The following DACH2 variants were observed in gnomAD, a reference collection of about 807,000 sequenced individuals.
DACH2 encodes dachshund family transcription factor 2.
In DACH2, 17 loss-of-function variants were observed where a neutral mutation model predicts 35.8. The observed-to-expected ratio is 0.48, with a 90% CI of 0.33 to 0.71. DACH2 has a LOEUF of 0.71. Among genes scored for constraint, DACH2 ranks in the 30% least tolerant of loss-of-function variants. The probability of loss-of-function intolerance (pLI) is 0.02; values close to 1 mark genes in which losing one functional copy is unlikely to be tolerated. For synonymous variants in DACH2, 195 were observed against 177.3 expected (o/e 1.10, Z -0.79); for missense variants, 469 against 472.7 (o/e 0.99, Z 0.07).
rs201132853 is a variant in DACH2, at chrX:86,605,088, GT to G, written c.641-45946del. 5.6e-3 allele frequency among the ~76,000 whole-genome samples: 629 copies of G among 112,021 alleles called. 3 individuals are homozygous for G. Among genetic ancestry groups the G allele is most frequent in the African/African-American group, 0.02 (609 of 30,955 alleles). On this transcript the variant is annotated intron_variant, in intron 3 of 11. Transcript: ENST00000373125. The stretch of plus-strand genomic sequence containing the variant: ...ATGCAATGATTCTAGTGAGTCCTGT[GT>G]TAGACTGCTGGCCTACAGAAACTGT...
intron 2 of DACH2, among the ~76,000 whole-genome samples, chrX:86,441,154 T>C (rs2037154272): frequency 9.0e-6 from 1 of 111,374 alleles, no homozygotes; most frequent in Non-Finnish European, 1.9e-5. Flanking sequence ...CACATCAGGG[T>C]AAAATGGGGA....
chrX:86,446,451 G>A (rs1270561625), intron 2 of DACH2, among the ~76,000 whole-genome samples: 6 of 55,032 alleles, frequency 1.1e-4, no homozygotes, highest in African/African-American at 2.2e-4. Context: ...CCCCTCCCCC[G>A]ACCCCATCAC....
intron 2 of DACH2, among the ~76,000 whole-genome samples, chrX:86,380,585 A>G (rs2036031555): frequency 9.0e-6 from 1 of 110,511 alleles, no homozygotes; most frequent in Non-Finnish European, 1.9e-5. Flanking sequence ...CTTGTGGATC[A>G]ATATTCAGGT....
chrX:86,481,344 G>A (rs1375478651), intron 2 of DACH2, among the ~76,000 whole-genome samples: 1 of 111,757 alleles, frequency 8.9e-6, no homozygotes, highest in Non-Finnish European at 1.9e-5. Context: ...TGTAAATAGT[G>A]AGCAGTCAAA....
chrX:86,821,120 C>T (rs2042507816), intron 11 of DACH2, among the ~76,000 whole-genome samples: 1 of 111,154 alleles, frequency 9.0e-6, no homozygotes, highest in South Asian at 3.8e-4. Context: ...TGCTCTCCAT[C>T]TTTCTCTATC....
intron 4 of DACH2, among the ~76,000 whole-genome samples, chrX:86,693,859 T>C (rs965463711): frequency 2.7e-5 from 3 of 111,818 alleles, no homozygotes; most frequent in Admixed American, 9.5e-5. Flanking sequence ...TTTGTAGATA[T>C]GAAGCAACAT....
chrX:86,367,368 CAT>C (rs1228851496), intron 1 of DACH2, among the ~76,000 whole-genome samples: 1 of 111,412 alleles, frequency 9.0e-6, no homozygotes, highest in Non-Finnish European at 1.9e-5. Context: ...TTTTCTGAAA[CAT>C]AGAAGAGAAT....
At chrX:86,396,578 A>G (rs2036298431) in intron 2 of DACH2, among the ~76,000 whole-genome samples, 1 of 106,468 alleles carries the variant, frequency 9.4e-6, no homozygotes, top group African/African-American at 3.5e-5. Flanking sequence ...AGGTGTAAGG[A>G]AGGGATCCAG....
chrX:86,280,069 T>C (rs1293655023), intron 1 of DACH2, among the ~76,000 whole-genome samples: 3 of 110,850 alleles, frequency 2.7e-5, no homozygotes, highest in East Asian at 5.7e-4. Context: ...TCTAGAAAGA[T>C]AGGCCAACAT....
chrX:86,437,811 G>A (rs1300543878), intron 2 of DACH2, among the ~76,000 whole-genome samples: 1 of 108,687 alleles, frequency 9.2e-6, no homozygotes, highest in Non-Finnish European at 1.9e-5. Context: ...GGGATTACTG[G>A]TAGTTTTTTT....
intron 1 of DACH2, among the ~76,000 whole-genome samples, chrX:86,286,224 T>C (rs2034146393): frequency 1.1e-5 from 1 of 93,186 alleles, no homozygotes; most frequent in South Asian, 6.3e-4. Context: ...GCTTCCCGGG[T>C]TCACGCCATT....
intron 1 of DACH2, among the ~76,000 whole-genome samples, chrX:86,229,668 T>C (rs2032905266): frequency 9.1e-6 from 1 of 109,904 alleles, no homozygotes; most frequent in East Asian, 2.9e-4. Context: ...GTTTTCCCTG[T>C]AGAGGTCTTT....
intron 2 of DACH2, among the ~76,000 whole-genome samples, chrX:86,403,028 T>A (rs912159098): frequency 1.8e-5 from 2 of 111,958 alleles, no homozygotes; most frequent in Admixed American, 1.9e-4. Flanking sequence ...ATACAAAAAT[T>A]AACTGAAGAT....
At chrX:86,357,695 A>G (rs2035665876) in intron 1 of DACH2, among the ~76,000 whole-genome samples, 1 of 112,389 alleles carries the variant, frequency 8.9e-6, no homozygotes, top group African/African-American at 3.2e-5. Flanking sequence ...AGTATTACAT[A>G]TATGCTTTCC....
intron 1 of DACH2, among the ~76,000 whole-genome samples, chrX:86,151,407 T>C (rs940460280): frequency 2.7e-5 from 3 of 111,544 alleles, no homozygotes; most frequent in African/African-American, 9.8e-5. Flanking sequence ...TGGTTTATTA[T>C]ATTCATATTT....
At chrX:86,765,697 G>GTTTTTTTTTT (rs2041925172) in intron 7 of DACH2, among the ~76,000 whole-genome samples, 3 of 35,232 alleles carry the variant, frequency 8.5e-5, no homozygotes, top group African/African-American at 2.1e-4. Flanking sequence ...GTTGTTTTTT[G>GTTTTTTTTTT]GTTTTTTTTT....
intron 6 of DACH2, among the ~76,000 whole-genome samples, chrX:86,738,934 G>A (rs1010558190): frequency 7.2e-5 from 8 of 111,273 alleles, no homozygotes; most frequent in Admixed American, 9.6e-5. Context: ...GTGCAATGGC[G>A]TGACTTCGGC....
At chrX:86,154,541 G>A (rs1418544112) in intron 1 of DACH2, among the ~76,000 whole-genome samples, 1 of 111,356 alleles carries the variant, frequency 9.0e-6, no homozygotes, top group Non-Finnish European at 1.9e-5. Context: ...TGCTTTGGAC[G>A]GGAAATTGAG....
intron 7 of DACH2, among the ~76,000 whole-genome samples, chrX:86,795,877 C>T (rs960596335): frequency 2.3e-5 from 2 of 88,819 alleles, no homozygotes; most frequent in African/African-American, 3.6e-5. Flanking sequence ...CCGGTGGGTT[C>T]GTGGTCTTGC....
Sources: allele counts gnomAD v4.1 joint callset (sites outside exome capture counted in the v4.1 genomes callset), GRCh38; gene constraint gnomAD v4.1.1; transcripts MANE v1.5; gene names NCBI Gene and HGNC (gene_info 2026-07-23, HGNC 2026-07-21).